The following ATRX variants were observed in gnomAD, a reference collection of about 807,000 sequenced individuals.
ATRX encodes the protein chromatin remodeler ATRX.
A neutral mutation model predicts 172.6 loss-of-function variants in ATRX; 12 were observed. The ratio of observed to expected loss-of-function variants is 0.07; its 90% CI spans 0.04 to 0.11. The LOEUF is 0.11. Among genes scored for constraint, ATRX ranks in the 10% least tolerant of loss-of-function variants. ATRX has a pLI of 1.00. For synonymous variants in ATRX, 674 were observed against 594.7 expected, an observed-to-expected ratio of 1.13 and a Z score of -1.94; for missense variants, 1,368 against 1,767.4, an observed-to-expected ratio of 0.77 and a Z score of 4.05.
chrX:77,512,864 C>T (rs782057543), intron 34 of ATRX, among the ~76,000 whole-genome samples: 90 of 110,433 alleles, frequency 8.1e-4, no homozygotes, highest in Non-Finnish European at 1.3e-3. Context: ...AGTGAAACTC[C>T]GTCTCAAAAA....
chrX:77,766,266 C>A (rs1557195522), intron 1 of ATRX, among the ~76,000 whole-genome samples: 1 of 112,342 alleles, frequency 8.9e-6, no homozygotes, highest in Non-Finnish European at 1.9e-5. Context: ...GCAGGGGCGG[C>A]CGGGCAGAGG....
At chrX:77,757,807 G>T (rs1162319893) in intron 1 of ATRX, among the ~76,000 whole-genome samples, 1 of 109,019 alleles carries the variant, frequency 9.2e-6, no homozygotes, top group Non-Finnish European at 1.9e-5. Flanking sequence ...GAGTAGCTGG[G>T]ATTACAGGCC....
intron 10 of ATRX, 21 bp from the exon 11 acceptor site, chrX:77,664,799 A>C (rs1557125265): frequency 8.5e-7 from 1 of 1,179,158 alleles, no homozygotes; most frequent in East Asian, 3.0e-5. Flanking sequence ...AAAAACAATA[A>C]AAAAAGAACT....
intron 22 of ATRX, among the ~76,000 whole-genome samples, chrX:77,602,811 T>C (rs782177966): frequency 8.1e-5 from 9 of 111,100 alleles, no homozygotes; most frequent in Non-Finnish European, 1.5e-4. Flanking sequence ...TAAATGCCTA[T>C]GTCAAAAAAA....
At chrX:77,777,625 A>G (rs1372957729) in intron 1 of ATRX, among the ~76,000 whole-genome samples, 1 of 111,566 alleles carries the variant, frequency 9.0e-6, no homozygotes, top group African/African-American at 3.3e-5. Flanking sequence ...AATGCTATCA[A>G]ATAAACCAAA....
intron 1 of ATRX, among the ~76,000 whole-genome samples, chrX:77,734,606 G>A (rs2074454490): frequency 9.2e-6 from 1 of 108,750 alleles, no homozygotes; most frequent in Non-Finnish European, 1.9e-5. Flanking sequence ...GGCCAACATG[G>A]TGAAACCCCG....
intron 28 of ATRX, among the ~76,000 whole-genome samples, chrX:77,568,450 T>G (rs2065281405): frequency 8.9e-6 from 1 of 111,956 alleles, no homozygotes; most frequent in Non-Finnish European, 1.9e-5. Context: ...ATTTGAATAA[T>G]CCTAAAACTA....
chrX:77,640,705 G>A (rs1557110743), intron 15 of ATRX, among the ~76,000 whole-genome samples: 2 of 111,426 alleles, frequency 1.8e-5, no homozygotes, highest in African/African-American at 3.3e-5. Context: ...TGAAGGATCA[G>A]GGAAAAGGGA....
At chrX:77,773,972 C>T (rs916303708) in intron 1 of ATRX, among the ~76,000 whole-genome samples, 1 of 111,015 alleles carries the variant, frequency 9.0e-6, no homozygotes, top group Non-Finnish European at 1.9e-5. Flanking sequence ...TCTGTAATCC[C>T]AGCACTTTGG....
chrX:77,512,596 C>T (rs782273286), intron 34 of ATRX, among the ~76,000 whole-genome samples: 3 of 112,428 alleles, frequency 2.7e-5, no homozygotes, highest in South Asian at 7.4e-4. Flanking sequence ...ATGCCGGGCG[C>T]GGTGGCTCAG....
chrX:77,715,321 TA>T (rs1462387637), intron 2 of ATRX, among the ~76,000 whole-genome samples: 13 of 111,878 alleles, frequency 1.2e-4, no homozygotes, highest in African/African-American at 3.9e-4. Context: ...TCCGATTACC[TA>T]CCGTATTCAG....
chrX:77,571,833 T>C (rs1301649544), intron 28 of ATRX, among the ~76,000 whole-genome samples: 5 of 111,033 alleles, frequency 4.5e-5, no homozygotes, highest in Non-Finnish European at 9.5e-5. Context: ...AAACCAAAAA[T>C]AGTATCAAGC....
At chrX:77,782,475 G>A (rs973748197) in intron 1 of ATRX, among the ~76,000 whole-genome samples, 5 of 112,432 alleles carry the variant, frequency 4.4e-5, no homozygotes, top group African/African-American at 1.3e-4. Context: ...AAGGCCAAGC[G>A]CAGTGGCTCA....
intron 10 of ATRX, among the ~76,000 whole-genome samples, chrX:77,673,573 T>A (rs1288575964): frequency 9.0e-6 from 1 of 111,214 alleles, no homozygotes; most frequent in Non-Finnish European, 1.9e-5. Context: ...TAGAAATTAA[T>A]TTATAGGTTA....
chrX:77,784,949 T>G (rs1937627911), intron 1 of ATRX, among the ~76,000 whole-genome samples: 1 of 112,004 alleles, frequency 8.9e-6, no homozygotes. Context: ...AAAAAATTAC[T>G]TAATTCACAT....
chrX:77,587,608 C>G (rs1410391251), intron 27 of ATRX, among the ~76,000 whole-genome samples: 7 of 111,595 alleles, frequency 6.3e-5, no homozygotes, highest in African/African-American at 2.3e-4. Context: ...AGGTCTTAAC[C>G]AGGGCAACTG....
chrX:77,610,540 T>C (rs782328216), intron 22 of ATRX, among the ~76,000 whole-genome samples: 2 of 111,467 alleles, frequency 1.8e-5, no homozygotes, highest in Non-Finnish European at 3.8e-5. Context: ...TAGAGCCAAT[T>C]TGAAGAGGTA....
chrX:77,765,881 G>T (rs1164190211), intron 1 of ATRX, among the ~76,000 whole-genome samples: 3 of 108,310 alleles, frequency 2.8e-5, no homozygotes, highest in African/African-American at 1.0e-4. Context: ...AGATTAGGGA[G>T]TGGTGATGAT....
chrX:77,600,088 G>C (rs1557086353), intron 23 of ATRX, among the ~76,000 whole-genome samples: 1 of 111,607 alleles, frequency 9.0e-6, no homozygotes, highest in Non-Finnish European at 1.9e-5. Context: ...TAATAGTATT[G>C]TACCAAAGTT....
Sources: gnomAD v4.1 joint callset for allele counts (sites outside exome capture counted in the v4.1 genomes callset) on GRCh38, gnomAD v4.1.1 for gene constraint, MANE v1.5 for transcripts, NCBI Gene and HGNC (gene_info 2026-07-23, HGNC 2026-07-21) for gene names.